CIAO3: variants seen among roughly 807,000 people sequenced by gnomAD.
CIAO3 encodes the protein LET1 like/JFP15.
A neutral mutation model predicts 51.5 loss-of-function variants in CIAO3; 45 were observed. That is an observed-to-expected ratio of 0.87 (90% CI 0.69 to 1.12). The LOEUF (loss-of-function observed/expected upper bound fraction) is 1.12, where lower values mean the gene tolerates loss of function less well. Among genes scored for constraint, CIAO3 ranks in the 50% most tolerant of loss-of-function variants. CIAO3 has a pLI of 0.00. For synonymous variants in CIAO3, 314 were observed against 269.3 expected, an observed-to-expected ratio of 1.17 and a Z score of -1.63; for missense variants, 668 against 632.5, an observed-to-expected ratio of 1.06 and a Z score of -0.60.
Position 733,445 on chromosome 16 carries a change from C to T in CIAO3, c.694-18G>A, listed in dbSNP as rs766092948. The T allele has an allele frequency of 2.5e-6, 4 of 1,613,352 alleles. No individual in the cohort carries two copies. The highest frequency in any genetic ancestry group is 3.4e-6 in the Non-Finnish European group (4 of 1,179,810). Reference sequence around the variant, plus strand: ...GTCAAGTGCTACAAGGAGAAACAAACACTTGTCTCCCCAATCCCAGCAGTA... The same window carrying T: ...GTCAAGTGCTACAAGGAGAAACAAATACTTGTCTCCCCAATCCCAGCAGTA... On this transcript the variant is annotated intron_variant, in intron 6 of 10. Transcript: ENST00000251588.
At chr16:731,057 C>T (rs1377515552) in intron 9 of CIAO3, 57 bp from the exon 10 acceptor site, 1 of 1,598,552 alleles carries the variant, frequency 6.3e-7, no homozygotes, top group Non-Finnish European at 8.5e-7. Context: ...TCCTGCCTGC[C>T]TGGAAGGGGA....
chr16:734,265 C>G lies in CIAO3; in HGVS notation c.657G>C (p.Met219Ile). Residue 219 changes from methionine (M) to isoleucine (I), a missense_variant, in exon 6 of 11, where the codon ATG (methionine) becomes ATC (isoleucine). By Grantham distance (10) the Met-to-Ile change is conservative. Coordinates refer to ENST00000251588, the MANE Select transcript of CIAO3 (RefSeq NM_022493.3). The stretch of plus-strand genomic sequence containing the variant: ...CGAAGAAGTCCTTGACCAGGGAGCC[C>G]ATGACCTGCTGCGGGGACCGGGCGG... ...ISTARSPQQV[M>I]GSLVKDFFAQ... The G allele has an allele frequency of 6.2e-7, 1 of 1,612,166 alleles. No homozygotes were observed. Among genetic ancestry groups the G allele is most frequent in the Non-Finnish European group, 8.5e-7 (1 of 1,179,928 alleles).
chr16:739,723 C>T lies in CIAO3; in HGVS notation c.82G>A (p.Val28Ile), dbSNP rs750699392. ...CTTCCCGCCCTTTTTTCCACTTTGA[C>T]AGGCTTGATGCACTCCTAGAGCAGG... ...IGPSQECIKP[V>I]KVEKRAGSGV... The change falls in exon 2 of 11, where the codon GTC becomes ATC. Residue 28 changes from valine to isoleucine, a missense_variant. Coordinates refer to ENST00000251588, the MANE Select transcript of CIAO3 (RefSeq NM_022493.3). 1.9e-6 allele frequency: 3 copies of T among 1,614,030 alleles called. No homozygotes were observed. The highest frequency in any genetic ancestry group is 2.5e-6 in the Non-Finnish European group (3 of 1,179,966).
intron 9 of CIAO3, 107 bp downstream of exon 9, chr16:731,458 C>G (rs1408140029): frequency 1.4e-6 from 2 of 1,399,946 alleles, no homozygotes; most frequent in African/African-American, 1.4e-5. Context: ...GCAGGCTGCC[C>G]TCCACCCAGC....
rs1409101877 is a variant in CIAO3, at chr16:730,030, G to A, written c.*387C>T. 3 of 364,754 alleles carry A rather than the reference G, an allele frequency of 8.2e-6. No homozygotes were observed. The highest frequency in any genetic ancestry group is 4.2e-5 in the African/African-American group (2 of 47,402). The allele number at this position is 364,754 out of a possible 1,614,324, so 22.6% of individuals were successfully genotyped here. A position where few individuals can be genotyped will look rare whatever the true frequency, so the allele number is the denominator to read the frequency against. ...AGAGCTTCAAGGGAAGCCTCCAGAAGTCAGGGGTGAGAACCCGTCTTGCTC... is the reference window on the plus strand; with the variant it reads ...AGAGCTTCAAGGGAAGCCTCCAGAAATCAGGGGTGAGAACCCGTCTTGCTC... On this transcript the variant is annotated 3_prime_UTR_variant, in exon 11 of 11. Coordinates refer to ENST00000251588, the MANE Select transcript of CIAO3 (RefSeq NM_022493.3).
rs768755961 is a variant in CIAO3 at position 736,283 on chromosome 16, G to T, written c.422C>A (p.Ser141Ter). ...AAGCCTACCTATTTTTTTAAAGAAT[G>T]AGGTTAATTTCCTGGCAGTATCTGT... is the stretch of plus-strand genomic sequence containing the variant. ...NPTDTARKLT[S>*]FFKKIGVHFV... The change falls in exon 4 of 11, where the codon TCA becomes TAA. Residue 141 changes from serine (S) to a stop codon, truncating the protein, a stop_gained. Coordinates refer to ENST00000251588, the MANE Select transcript of CIAO3 (RefSeq NM_022493.3). LOFTEE classifies it high-confidence loss of function. 6.2e-7 allele frequency: 1 copy of T among 1,612,746 alleles called. No individual in the cohort carries two copies. Among genetic ancestry groups the T allele is most frequent in the Non-Finnish European group, 8.5e-7 (1 of 1,179,798 alleles).
At chr16:738,094 C>T (rs1238001322) in intron 2 of CIAO3, 3 of 1,030,916 alleles carry the variant, frequency 2.9e-6, no homozygotes, top group Middle Eastern at 4.7e-4. Flanking sequence ...TGTATTCCTA[C>T]GTTGGTTCTG....
intron 2 of CIAO3, chr16:738,178 C>T (rs2041357741): frequency 5.0e-6 from 5 of 998,212 alleles, no homozygotes; most frequent in Non-Finnish European, 6.0e-6. Flanking sequence ...CCAACTGCCA[C>T]TGCACCGACA....
At chr16:740,890 C>T in intron 1 of CIAO3, 30 bp downstream of exon 1, 1 of 1,526,118 alleles carries the variant, frequency 6.6e-7, no homozygotes, top group Middle Eastern at 1.8e-4. Flanking sequence ...CCGAGCGCAG[C>T]CTCGACCCCG....
In CIAO3 at chr16:740,804, G is replaced by A. The variant is rs892327321; in HGVS notation, c.66+116C>T. The A allele has an allele frequency of 1.1e-4, 125 of 1,123,386 alleles. 1 individual carries two copies. The Middle Eastern group carries it at 1.4e-3, about 13-fold the overall frequency. The allele number at this position is 1,123,386 out of a possible 1,614,324, so 69.6% of individuals were successfully genotyped here. A position where few individuals can be genotyped will look rare whatever the true frequency, so the allele number is the denominator to read the frequency against. ...ATAGAGTCCCTGACGGCCCAGACCGGGCTCCCGGGATTCGGATCTCATTCC... is the reference window on the plus strand; with the variant it reads ...ATAGAGTCCCTGACGGCCCAGACCGAGCTCCCGGGATTCGGATCTCATTCC... On this transcript the variant is annotated intron_variant, in intron 1 of 10. Coordinates refer to ENST00000251588, the MANE Select transcript of CIAO3 (RefSeq NM_022493.3).
At position 730,406 on chromosome 16, in the gene CIAO3, T is replaced by C; in HGVS notation, c.*11A>G. 1.3e-6 allele frequency: 2 copies of C among 1,598,040 alleles called. No individual in the cohort carries two copies. The highest frequency in any genetic ancestry group is 1.3e-5 in the African/African-American group (1 of 74,990). The stretch of plus-strand genomic sequence containing the variant: ...GGACACGGCCTCCTGGGAGTCCTGG[T>C]CCTGCAGCCCCTACCACCGGATGCC... On this transcript the variant is annotated 3_prime_UTR_variant, in exon 11 of 11. Coordinates refer to ENST00000251588, the MANE Select transcript of CIAO3 (RefSeq NM_022493.3).
At chr16:738,796 C>T (rs978072220) in intron 2 of CIAO3, among the ~76,000 whole-genome samples, 2 of 151,332 alleles carry the variant, frequency 1.3e-5, no homozygotes, top group South Asian at 2.1e-4. Context: ...TACAGGCATG[C>T]GCCACGACAC....
Position 737,275 on chromosome 16 carries a change from C to A in CIAO3, c.217G>T (p.Ala73Ser), listed in dbSNP as rs2041348708. Residue 73 changes from alanine (A) to serine (S), a missense_variant, in exon 3 of 11, where the codon GCG becomes TCG. By Grantham distance (99) the Ala-to-Ser change is moderately conservative. Transcript: ENST00000251588. This position sits in a 1 kb window ranked among gnomAD's most constrained non-coding sequence, Gnocchi z 5.3. Reference protein sequence around the residue: ...KAKVSLNDCLACSGCITSAET... With the variant: ...KAKVSLNDCLSCSGCITSAET... ...GCGGAGGTGATGCAGCCGCTGCACG[C>A]CAGGCAGTCGTTTAGCGAGACCTTG... 6.2e-7 allele frequency: 1 copy of A among 1,613,356 alleles called. No homozygotes were observed. Among genetic ancestry groups the A allele is most frequent in the Non-Finnish European group, 8.5e-7 (1 of 1,180,022 alleles).
At chr16:733,162 A>G in intron 7 of CIAO3, 136 bp downstream of exon 7, 12 of 1,119,088 alleles carry the variant, frequency 1.1e-5, no homozygotes, top group Non-Finnish European at 1.5e-5. Flanking sequence ...AGACGAAGGT[A>G]CGTGCACGCA....
rs778827784 is a variant in CIAO3, at chr16:734,288, C to A, written c.634G>T (p.Ala212Ser). 1.9e-6 allele frequency: 3 copies of A among 1,611,778 alleles called. No individual in the cohort carries two copies. The African/African-American group carries it at 4.0e-5, about 22-fold the overall frequency. The part of the protein sequence containing the change: ...GSFILPHIST[A>S]RSPQQVMGSL... ...CCCATGACCTGCTGCGGGGACCGGG[C>A]GGTGCTGATGTGGGGGAGGATGAAG... Residue 212 changes from alanine (A) to serine (S), a missense_variant, in exon 6 of 11, where the codon GCC becomes TCC. Ala to Ser is a moderately conservative substitution (Grantham distance 99). Coordinates refer to ENST00000251588, the MANE Select transcript of CIAO3 (RefSeq NM_022493.3).
Position 739,678 on chromosome 16 carries a change from T to C in CIAO3, c.127A>G (p.Ile43Val), listed in dbSNP as rs1193290852. Residue 43 changes from isoleucine to valine, a missense_variant, in exon 2 of 11, where the codon ATT becomes GTT. Ile to Val is a conservative substitution (Grantham distance 29). Coordinates refer to ENST00000251588, the MANE Select transcript of CIAO3 (RefSeq NM_022493.3). ...RAGSGVAKIRIEDDGSYFQIN... is the reference protein window; with the variant it reads ...RAGSGVAKIRVEDDGSYFQIN... ...TGGAAGTAGCTCCCGTCATCTTCAA[T>C]GCGAATCTTGGCCACGCCACTTCCC... The C allele has an allele frequency of 1.9e-6, 3 of 1,614,066 alleles. No individual in the cohort carries two copies. Among genetic ancestry groups the C allele is most frequent in the Non-Finnish European group, 2.5e-6 (3 of 1,180,034 alleles).
In CIAO3 at chr16:730,310, A is replaced by G. The variant is rs1014881004; in HGVS notation, c.*107T>C. On this transcript the variant is annotated 3_prime_UTR_variant, in exon 11 of 11. Coordinates refer to ENST00000251588, the MANE Select transcript of CIAO3 (RefSeq NM_022493.3). The stretch of plus-strand genomic sequence containing the variant: ...CTAGCTCCTACTCGGGTCCCAGCAC[A>G]CCCTGCAGCTCACTCAGAATTTTGG... 2 of 1,164,430 alleles carry G rather than the reference A, an allele frequency of 1.7e-6. No individual in the cohort carries two copies. Among genetic ancestry groups the G allele is most frequent in the Non-Finnish European group, 1.2e-6 (1 of 807,260 alleles). 72.1% of individuals were successfully genotyped at this position (1,164,430 alleles called of 1,614,324 possible).
chr16:740,093 T>C, intron 1 of CIAO3: 1 of 1,329,290 alleles, frequency 7.5e-7, no homozygotes, highest in East Asian at 4.7e-5. Flanking sequence ...CGAGAGGACG[T>C]GTGCTTGGAT....
intron 9 of CIAO3, chr16:731,349 C>T: frequency 1.5e-6 from 1 of 675,572 alleles, no homozygotes; most frequent in East Asian, 2.9e-5. Flanking sequence ...GTCACCATCC[C>T]CCACAATGGG....
Sources: gnomAD v4.1 joint callset for allele counts (sites outside exome capture counted in the v4.1 genomes callset) on GRCh38, gnomAD v4.1.1 for gene constraint, Gnocchi (gnomAD v3.1) non-coding constraint, MANE v1.5 for transcripts, NCBI Gene and HGNC (gene_info 2026-07-23, HGNC 2026-07-21) for gene names.